The following PGM5 variants were observed in gnomAD, a reference collection of about 807,000 sequenced individuals.
The protein encoded by PGM5 is phosphoglucomutase 5.
PGM5 carries 23 observed loss-of-function variants against 59.2 expected under a neutral mutation model. The ratio of observed to expected loss-of-function variants is 0.39; its 90% CI spans 0.28 to 0.55. The LOEUF (loss-of-function observed/expected upper bound fraction) is 0.55, where lower values mean the gene tolerates loss of function less well. Ranked by LOEUF, PGM5 falls within the 20% of genes least tolerant of loss-of-function variation. The pLI is 0.66. For synonymous variants in PGM5, 214 were observed against 286.0 expected (o/e 0.75, Z 2.54); for missense variants, 574 against 748.3 (o/e 0.77, Z 2.72).
chr9:68,358,604 C>T (rs1228533955), intron 1 of PGM5, among the ~76,000 whole-genome samples: 1 of 152,044 alleles, frequency 6.6e-6, no homozygotes, highest in Non-Finnish European at 1.5e-5. Flanking sequence ...TGAACAATTC[C>T]CTGGCATTTG....
intron 2 of PGM5, among the ~76,000 whole-genome samples, 174 bp downstream of exon 2, chr9:68,378,535 C>T (rs1326079567): frequency 3.3e-5 from 5 of 152,108 alleles, no homozygotes; most frequent in African/African-American, 1.2e-4. Flanking sequence ...GGCTCATGAA[C>T]CCATTTGGGT....
chr9:68,358,473 A>G lies in PGM5; in HGVS notation c.261+1085A>G, dbSNP rs570058244. ...GGTCTCTGAATTATATGTGGGAAAC[A>G]TCGTCTAAAAAAGTAATTTTATCCT... On this transcript the variant is annotated intron_variant, in intron 1 of 10. Coordinates refer to ENST00000396396, the MANE Select transcript of PGM5 (RefSeq NM_021965.4). Among the ~76,000 whole-genome samples, 316 of 152,332 alleles carry G rather than the reference A, an allele frequency of 2.1e-3. 2 individuals carry two copies. The highest frequency in any genetic ancestry group is 7.2e-3 in the African/African-American group (299 of 41,566).
At chr9:68,503,696 G>C (rs1824612711) in intron 10 of PGM5, among the ~76,000 whole-genome samples, 1 of 152,224 alleles carries the variant, frequency 6.6e-6, no homozygotes, top group Non-Finnish European at 1.5e-5. Flanking sequence ...AAACCTGGAA[G>C]GAAAGAGGGA....
At chr9:68,419,461 T>C (rs1823091335) in intron 6 of PGM5, among the ~76,000 whole-genome samples, 1 of 152,076 alleles carries the variant, frequency 6.6e-6, no homozygotes, top group East Asian at 1.9e-4. Flanking sequence ...TGGGAGGAAT[T>C]GGTTGTGGGG....
chr9:68,513,052 A>G (rs1824776295), intron 10 of PGM5, among the ~76,000 whole-genome samples: 1 of 152,252 alleles, frequency 6.6e-6, no homozygotes, highest in South Asian at 2.1e-4. Context: ...TCCTTGCCTT[A>G]TAGGTTTCTG....
intron 6 of PGM5, among the ~76,000 whole-genome samples, chr9:68,463,758 C>T (rs560794797): frequency 1.3e-3 from 192 of 152,242 alleles, no homozygotes; most frequent in African/African-American, 4.4e-3. Flanking sequence ...CTGATAAACC[C>T]ATCTTAAGTC....
intron 6 of PGM5, among the ~76,000 whole-genome samples, chr9:68,456,560 C>T (rs1359457911): frequency 6.6e-6 from 1 of 151,140 alleles, no homozygotes; most frequent in Non-Finnish European, 1.5e-5. Flanking sequence ...ACGTCATGAG[C>T]CGCCCGCCTT....
chr9:68,526,809 C>A lies in PGM5; in HGVS notation c.1615-2758C>A, dbSNP rs1587235769. Among the ~76,000 whole-genome samples, 2 of 152,218 alleles carry A rather than the reference C, an allele frequency of 1.3e-5. 1 individual carries two copies. Among genetic ancestry groups the A allele is most frequent in the South Asian group, 4.1e-4 (2 of 4,836 alleles). On this transcript the variant is annotated intron_variant, in intron 10 of 10. Transcript: ENST00000396396. ...GATTAGCTAATCACCATTATCTGTT[C>A]TTTCCAAAACACTCAACTTAATTTT...
intron 6 of PGM5, among the ~76,000 whole-genome samples, chr9:68,438,179 C>T (rs1554683456): frequency 6.6e-6 from 1 of 150,402 alleles, no homozygotes; most frequent in Non-Finnish European, 1.5e-5. Flanking sequence ...GTCCCAGCTA[C>T]TCGGGAGGCT....
chr9:68,358,329 C>G lies in PGM5; in HGVS notation c.261+941C>G, dbSNP rs1587765991. Among the ~76,000 whole-genome samples, 5 of 152,288 alleles carry G rather than the reference C, an allele frequency of 3.3e-5. No homozygotes were observed. In the South Asian group the frequency reaches 1.0e-3, roughly 32 times the overall value. ...ACTTCAGGTTTTTCTCCCTCTGCCC[C>G]TTTCCTCTCTGTCCTATAACTAGAA... On this transcript the variant is annotated intron_variant, in intron 1 of 10. Coordinates refer to ENST00000396396, the MANE Select transcript of PGM5 (RefSeq NM_021965.4).
intron 6 of PGM5, among the ~76,000 whole-genome samples, chr9:68,434,231 G>A (rs1823404690): frequency 6.9e-6 from 1 of 144,930 alleles, no homozygotes; most frequent in Non-Finnish European, 1.5e-5. Context: ...CCAGGAAAAT[G>A]GCTTGAACCC....
At chr9:68,506,902 T>G (rs1824666481) in intron 10 of PGM5, among the ~76,000 whole-genome samples, 1 of 152,224 alleles carries the variant, frequency 6.6e-6, no homozygotes, top group Non-Finnish European at 1.5e-5. Context: ...GTCCTGGTTT[T>G]GGGTCAAGTT....
intron 6 of PGM5, among the ~76,000 whole-genome samples, chr9:68,406,661 T>TAA (rs1822817802): frequency 7.3e-4 from 1 of 1,372 alleles, no homozygotes; most frequent in Non-Finnish European, 2.4e-3. Flanking sequence ...TTAAATTAGG[T>TAA]ATATATATAT....
chr9:68,502,090 C>T (rs946731369), intron 10 of PGM5, among the ~76,000 whole-genome samples: 6 of 152,116 alleles, frequency 3.9e-5, no homozygotes, highest in African/African-American at 1.4e-4. Flanking sequence ...TCCATATGTG[C>T]CTACGAATTG....
intron 7 of PGM5, among the ~76,000 whole-genome samples, chr9:68,478,097 C>T (rs187063283): frequency 2.0e-5 from 3 of 152,340 alleles, no homozygotes; most frequent in East Asian, 3.9e-4. Flanking sequence ...CCACATGTCT[C>T]GTACTACAAC....
intron 7 of PGM5, among the ~76,000 whole-genome samples, chr9:68,478,791 C>T (rs1355298320): frequency 6.6e-6 from 1 of 152,206 alleles, no homozygotes; most frequent in Non-Finnish European, 1.5e-5. Context: ...AATCTCACCT[C>T]AAGATTCCTA....
chr9:68,424,831 G>A (rs1554682593), intron 6 of PGM5, among the ~76,000 whole-genome samples: 1 of 152,158 alleles, frequency 6.6e-6, no homozygotes, highest in South Asian at 2.1e-4. Context: ...ACTAGTGGGA[G>A]GTTGCACTGT....
At chr9:68,416,504 C>T (rs1326496971) in intron 6 of PGM5, among the ~76,000 whole-genome samples, 1 of 152,200 alleles carries the variant, frequency 6.6e-6, no homozygotes, top group East Asian at 1.9e-4. Flanking sequence ...CATTCCCTTC[C>T]TCCCTACAAA....
At chr9:68,476,918 C>T (rs556938835) in intron 7 of PGM5, among the ~76,000 whole-genome samples, 6 of 152,128 alleles carry the variant, frequency 3.9e-5, no homozygotes, top group Admixed American at 6.5e-5. Flanking sequence ...AGCTGGAGTT[C>T]GAAGGTATGC....
Sources: allele counts gnomAD v4.1 joint callset (sites outside exome capture counted in the v4.1 genomes callset), GRCh38; gene constraint gnomAD v4.1.1; transcripts MANE v1.5; gene names NCBI Gene and HGNC (gene_info 2026-07-23, HGNC 2026-07-21).